The following COL25A1 variants were observed in gnomAD, a reference collection of about 807,000 sequenced individuals.
The protein encoded by COL25A1 is collagen type XXV alpha 1 chain.
In COL25A1, 103 loss-of-function variants were observed where a neutral mutation model predicts 128.4. That is an observed-to-expected ratio of 0.80 (90% confidence interval 0.68 to 0.94). COL25A1 has a LOEUF of 0.94. Among genes scored for constraint, COL25A1 ranks in the 40% least tolerant of loss-of-function variants. The pLI is 0.00. For missense variants in COL25A1, 745 were observed against 840.0 expected (o/e 0.89, Z 1.40); for synonymous variants, 279 against 277.2 (o/e 1.01, Z -0.06).
intron 24 of COL25A1, among the ~76,000 whole-genome samples, chr4:108,859,325 G>A (rs986517851): frequency 4.6e-5 from 7 of 152,128 alleles, no homozygotes; most frequent in African/African-American, 1.2e-4. Flanking sequence ...CAGCCCCAGA[G>A]GCACAGAGCT....
chr4:108,856,325 C>A (rs1432013477), intron 24 of COL25A1, among the ~76,000 whole-genome samples: 1 of 152,108 alleles, frequency 6.6e-6, no homozygotes, highest in Non-Finnish European at 1.5e-5. Flanking sequence ...ATGTAAATCA[C>A]AATCTTCAAT....
In COL25A1 at chr4:108,999,553, T is replaced by G. The variant is rs573600409; in HGVS notation, c.438+10805A>C. On this transcript the variant is annotated intron_variant, in intron 6 of 37. Coordinates refer to ENST00000399132, the MANE Select transcript of COL25A1 (RefSeq NM_198721.4). Reference sequence around the variant, plus strand: ...CTAGTTCAACCATTGTGGAAGACAGTGTGGCGATTCCTCAAGGATCTAGAA... The same window carrying G: ...CTAGTTCAACCATTGTGGAAGACAGGGTGGCGATTCCTCAAGGATCTAGAA... Among the ~76,000 whole-genome samples, 48 of 152,338 alleles carry G rather than the reference T, an allele frequency of 3.2e-4. No homozygotes were observed. In the South Asian group the frequency reaches 9.9e-3, roughly 32 times the overall value.
chr4:109,113,913 T>C (rs981121766), intron 3 of COL25A1, among the ~76,000 whole-genome samples: 7 of 152,090 alleles, frequency 4.6e-5, no homozygotes, highest in Admixed American at 4.6e-4. Context: ...AGTTCCTCAA[T>C]TATATAATGA....
At chr4:109,245,419 G>A (rs1374643640) in intron 3 of COL25A1, among the ~76,000 whole-genome samples, 1 of 151,624 alleles carries the variant, frequency 6.6e-6, no homozygotes, top group African/African-American at 2.4e-5. Context: ...GTCGGCAATG[G>A]TGGAAGCCAA....
intron 6 of COL25A1, among the ~76,000 whole-genome samples, chr4:108,993,933 G>A (rs1159641443): frequency 6.6e-6 from 1 of 151,898 alleles, no homozygotes; most frequent in African/African-American, 2.4e-5. Flanking sequence ...TCCTGCCTTT[G>A]AAGATCAGAA....
chr4:109,104,764 G>A (rs536688387), intron 3 of COL25A1, among the ~76,000 whole-genome samples: 3 of 152,162 alleles, frequency 2.0e-5, no homozygotes, highest in South Asian at 2.1e-4. Flanking sequence ...TAAAGGAAAC[G>A]TATACATCTC....
chr4:109,038,549 T>C (rs1019415145), intron 5 of COL25A1, among the ~76,000 whole-genome samples: 1 of 152,206 alleles, frequency 6.6e-6, no homozygotes, highest in Non-Finnish European at 1.5e-5. Flanking sequence ...CATTGGATTC[T>C]TTTTAGTCTT....
intron 3 of COL25A1, among the ~76,000 whole-genome samples, chr4:109,134,569 A>C (rs1769527553): frequency 6.6e-6 from 1 of 152,152 alleles, no homozygotes; most frequent in Non-Finnish European, 1.5e-5. Flanking sequence ...TGATATCTAT[A>C]AGCATGACAT....
intron 3 of COL25A1, among the ~76,000 whole-genome samples, chr4:109,160,758 T>A (rs570293892): frequency 6.6e-6 from 1 of 152,254 alleles, no homozygotes; most frequent in East Asian, 1.9e-4. Context: ...CGGCCTGACC[T>A]GTAAGTGAGG....
At chr4:109,250,226 A>G (rs1324308782) in intron 3 of COL25A1, among the ~76,000 whole-genome samples, 1 of 152,156 alleles carries the variant, frequency 6.6e-6, no homozygotes, top group Non-Finnish European at 1.5e-5. Context: ...TAGTCTCATT[A>G]TGAATTGTCT....
intron 3 of COL25A1, among the ~76,000 whole-genome samples, chr4:109,060,721 G>A (rs920934824): frequency 1.3e-5 from 2 of 149,026 alleles, no homozygotes; most frequent in Non-Finnish European, 3.0e-5. Flanking sequence ...TTACCTTCTT[G>A]GCAAAATGAG....
rs1220868723 is a variant in COL25A1, at chr4:108,974,537, T to C, written c.461A>G (p.Asp154Gly). 9.3e-6 allele frequency: 15 copies of C among 1,609,216 alleles called. No homozygotes were observed. Among genetic ancestry groups the C allele is most frequent in the Admixed American group, 3.4e-5 (2 of 59,690 alleles). Residue 154 changes from aspartate to glycine, a missense_variant, in exon 7 of 38, where the codon GAT becomes GGT. This residue lies in a region of COL25A1 where 319 missense variants were observed against 324.9 expected (regional missense o/e 0.98). Transcript: ENST00000399132. ...GPQGPPGPKG[D>G]KGEQGDQGPR... ...TTCTGGTATGCATTTTCTTACCTTA[T>C]CGCCTTTTGGACCAGGAGGGCCCTG... is the stretch of plus-strand genomic sequence containing the variant.
intron 3 of COL25A1, among the ~76,000 whole-genome samples, chr4:109,251,067 C>T (rs1050942496): frequency 6.6e-6 from 1 of 152,104 alleles, no homozygotes; most frequent in Non-Finnish European, 1.5e-5. Flanking sequence ...ATTAATACTA[C>T]TTAATACTAT....
chr4:109,081,552 T>C (rs1256305443), intron 3 of COL25A1, among the ~76,000 whole-genome samples: 1 of 152,162 alleles, frequency 6.6e-6, no homozygotes, highest in Non-Finnish European at 1.5e-5. Context: ...TGATAATTAG[T>C]ATATTCATAG....
intron 3 of COL25A1, among the ~76,000 whole-genome samples, chr4:109,052,593 G>A (rs1761097178): frequency 1.3e-5 from 2 of 152,160 alleles, no homozygotes; most frequent in Non-Finnish European, 2.9e-5. Flanking sequence ...GCATTATACT[G>A]ACCTTGCTGA....
At chr4:109,277,683 C>A (rs1344624410) in intron 3 of COL25A1, among the ~76,000 whole-genome samples, 1 of 152,160 alleles carries the variant, frequency 6.6e-6, no homozygotes, top group East Asian at 1.9e-4. Context: ...CCCTGGGAAT[C>A]TTCCAGAGAA....
chr4:108,864,117 T>C (rs966098845), intron 20 of COL25A1, among the ~76,000 whole-genome samples: 1 of 152,176 alleles, frequency 6.6e-6, no homozygotes, highest in Non-Finnish European at 1.5e-5. Flanking sequence ...ACTTGACTAA[T>C]ATGCAATTAT....
chr4:108,945,837 G>C (rs1748671096), intron 8 of COL25A1, among the ~76,000 whole-genome samples: 1 of 151,918 alleles, frequency 6.6e-6, no homozygotes, highest in Non-Finnish European at 1.5e-5. Flanking sequence ...GCTATTTTTT[G>C]TATTTTTAGT....
chr4:109,170,629 A>G (rs1773499812), intron 3 of COL25A1, among the ~76,000 whole-genome samples: 1 of 152,180 alleles, frequency 6.6e-6, no homozygotes, highest in African/African-American at 2.4e-5. Context: ...GAGATCATGA[A>G]ATGGGCAGGT....
Sources: allele counts gnomAD v4.1 joint callset (sites outside exome capture counted in the v4.1 genomes callset), GRCh38; gene constraint gnomAD v4.1.1; regional missense constraint gnomAD v4.1.1; transcripts MANE v1.5; gene names NCBI Gene and HGNC (gene_info 2026-07-23, HGNC 2026-07-21).